The following MGST1 variants were observed in gnomAD, a reference collection of about 807,000 sequenced individuals.
The protein encoded by MGST1 is microsomal glutathione S-transferase 1, also known as glutathione S-transferase 12.
MGST1 carries 5 observed loss-of-function variants against 8.9 expected under a neutral mutation model. The ratio of observed to expected loss-of-function variants is 0.56; its 90% CI spans 0.29 to 1.19. The LOEUF is 1.19. Among genes scored for constraint, MGST1 ranks in the 50% most tolerant of loss-of-function variants. MGST1 has a pLI of 0.08. For missense variants in MGST1, 182 were observed against 187.4 expected, an observed-to-expected ratio of 0.97 and a Z score of 0.17; for synonymous variants, 54 against 67.8, an observed-to-expected ratio of 0.80 and a Z score of 1.00.
At chr12:16,451,574 C>T (rs898715267) in intron 4 of MGST1, among the ~76,000 whole-genome samples, 1 of 151,606 alleles carries the variant, frequency 6.6e-6, no homozygotes, top group African/African-American at 2.4e-5. Flanking sequence ...TAGTTGACAA[C>T]AGTTATATGA....
intron 4 of MGST1, among the ~76,000 whole-genome samples, chr12:16,448,776 C>T (rs927784088): frequency 1.3e-5 from 2 of 151,864 alleles, no homozygotes; most frequent in African/African-American, 2.4e-5. Context: ...CTCTCCAACT[C>T]CACCCCAAGC....
chr12:16,498,054 C>T (rs1848737737), intron 4 of MGST1, among the ~76,000 whole-genome samples: 1 of 151,994 alleles, frequency 6.6e-6, no homozygotes, highest in African/African-American at 2.4e-5. Flanking sequence ...ATGATATGAC[C>T]CATAAAATGG....
At chr12:16,406,356 G>A (rs1442898421) in intron 1 of MGST1, among the ~76,000 whole-genome samples, 1 of 152,124 alleles carries the variant, frequency 6.6e-6, no homozygotes, top group African/African-American at 2.4e-5. Context: ...AGCTAACCAC[G>A]GAGGTGAAAG....
intron 4 of MGST1, among the ~76,000 whole-genome samples, chr12:16,542,657 ACTATGC>A (rs1941799455): frequency 6.6e-6 from 1 of 152,126 alleles, no homozygotes; most frequent in Admixed American, 6.6e-5. Context: ...TGTAATGGCT[ACTATGC>A]AATGTAGATG....
chr12:16,451,750 G>A (rs1449706153), intron 4 of MGST1, among the ~76,000 whole-genome samples: 1 of 151,782 alleles, frequency 6.6e-6, no homozygotes, highest in African/African-American at 2.4e-5. Context: ...AATGATTCAT[G>A]TAATATTATT....
At chr12:16,368,783 AATGTGAGCCGTAAAATGGAGAG>A (rs1218704544), downstream of MGST1, among the ~76,000 whole-genome samples, 4 of 152,230 alleles carry the variant, frequency 2.6e-5, no homozygotes, top group East Asian at 7.7e-4. Context: ...CCCTGCATAA[AATGTGAGCCGTAAAATGGAGAG>A]ATAGGAGCTG....
At position 16,412,716 on chromosome 12, in the gene MGST1, CATGTGAG is replaced by C. The variant is rs569370499; in HGVS notation, n.779-24666_779-24660del. ...AAAGGGCAGTTCCCCTACCTGCCAC[CATGTGAG>C]ATGTGCCTTTGCTCTTCCTTCACCT... On this transcript the variant is annotated intron_variant and non_coding_transcript_variant, in intron 1 of 1. Transcript: ENST00000359720. Among the ~76,000 whole-genome samples, 125 of 152,206 alleles carry C rather than the reference CATGTGAG, an allele frequency of 8.2e-4. 1 individual carries two copies. The highest frequency in any genetic ancestry group is 2.9e-3 in the African/African-American group (121 of 41,528).
intron 4 of MGST1, among the ~76,000 whole-genome samples, chr12:16,558,521 T>G (rs559284136): frequency 6.6e-6 from 1 of 152,190 alleles, no homozygotes; most frequent in East Asian, 1.9e-4. Context: ...TGTATGGATG[T>G]GGGAATGTTT....
chr12:16,532,819 C>A (rs1396494003), intron 4 of MGST1, among the ~76,000 whole-genome samples: 1 of 152,076 alleles, frequency 6.6e-6, no homozygotes, highest in Non-Finnish European at 1.5e-5. Flanking sequence ...ATTCCTCATA[C>A]AAAACAATAC....
At chr12:16,423,979 C>G (rs7295716) in intron 1 of MGST1, among the ~76,000 whole-genome samples, 4,244 of 152,220 alleles carry the variant, frequency 0.028, 196 homozygotes, top group African/African-American at 0.097. Context: ...TAATGTATTT[C>G]CTTTATTTAT....
At chr12:16,432,217 G>A (rs1296458355) in intron 1 of MGST1, among the ~76,000 whole-genome samples, 1 of 152,060 alleles carries the variant, frequency 6.6e-6, no homozygotes. Flanking sequence ...GGAGAGGTGA[G>A]GAAATGTACC....
intron 4 of MGST1, among the ~76,000 whole-genome samples, chr12:16,535,784 A>C (rs1937647083): frequency 6.6e-6 from 1 of 152,208 alleles, no homozygotes; most frequent in Admixed American, 6.5e-5. Flanking sequence ...AATGTTCAGA[A>C]GAAAGCCTCC....
chr12:16,410,663 CATA>C lies in MGST1; in HGVS notation n.779-26722_779-26720del, dbSNP rs1412332915. Among the ~76,000 whole-genome samples the C allele has an allele frequency of 6.8e-6, 1 of 146,560 alleles. No homozygotes were observed. The highest frequency in any genetic ancestry group is 1.5e-5 in the Non-Finnish European group (1 of 66,870). Reference sequence around the variant, plus strand: ...AATACATATATTATATATAAACATACATAATCAAATATATAATATAAATATATA... The same window carrying C: ...AATACATATATTATATATAAACATACATCAAATATATAATATAAATATATA... On this transcript the variant is annotated intron_variant and non_coding_transcript_variant, in intron 1 of 1. Coordinates refer to the MGST1 transcript ENST00000359720. This position sits in a 1 kb window ranked among gnomAD's most constrained non-coding sequence, Gnocchi z 4.4.
At chr12:16,552,053 C>G (rs909199634) in intron 4 of MGST1, among the ~76,000 whole-genome samples, 1 of 152,004 alleles carries the variant, frequency 6.6e-6, no homozygotes, top group East Asian at 1.9e-4. Flanking sequence ...TTTCCAATAG[C>G]TAATTATGCA....
rs146199935 is a variant in MGST1, at chr12:16,408,504, A to C, written n.778+24900A>C. ...ATTCTATTATCTTCTCACTTCCATT[A>C]ATTTTGTTGGGATGAAAGCTATCAG... is the stretch of plus-strand genomic sequence containing the variant. On this transcript the variant is annotated intron_variant and non_coding_transcript_variant, in intron 1 of 1. Coordinates refer to the MGST1 transcript ENST00000359720. Among the ~76,000 whole-genome samples the C allele has an allele frequency of 6.7e-3, 1,015 of 152,262 alleles. 18 individuals are homozygous for C. Among genetic ancestry groups the C allele is most frequent in the African/African-American group, 0.024 (978 of 41,536 alleles).
At chr12:16,418,993 G>A (rs553011413) in intron 1 of MGST1, among the ~76,000 whole-genome samples, 2 of 151,900 alleles carry the variant, frequency 1.3e-5, no homozygotes, top group South Asian at 2.1e-4. Flanking sequence ...GATCATTATT[G>A]ATGTCCAGGC....
At chr12:16,377,921 T>C (rs1484872063), downstream of MGST1, among the ~76,000 whole-genome samples, 4 of 151,584 alleles carry the variant, frequency 2.6e-5, no homozygotes, top group Non-Finnish European at 5.9e-5. Flanking sequence ...TTTTCATGTG[T>C]TTTTTGGCTG....
chr12:16,570,863 G>A (rs543076684), intron 4 of MGST1, among the ~76,000 whole-genome samples: 1 of 152,204 alleles, frequency 6.6e-6, no homozygotes, highest in African/African-American at 2.4e-5. Flanking sequence ...TAAATTTTCA[G>A]ATGATCAAAC....
intron 1 of MGST1, chr12:16,400,053 CTTAG>C (rs1446024577): frequency 2.5e-6 from 4 of 1,579,962 alleles, no homozygotes; most frequent in Middle Eastern, 1.7e-4. Flanking sequence ...CCAGTTCCTC[CTTAG>C]TTAGAGCCTC....
Sources: allele counts gnomAD v4.1 joint callset (sites outside exome capture counted in the v4.1 genomes callset), GRCh38; gene constraint gnomAD v4.1.1; non-coding constraint Gnocchi (gnomAD v3.1); transcripts MANE v1.5; gene names NCBI Gene and HGNC (gene_info 2026-07-23, HGNC 2026-07-21).